The following ADGRG1 variants were observed in gnomAD, a reference collection of about 807,000 sequenced individuals.
ADGRG1 encodes the protein adhesion G protein-coupled receptor G1.
Under a neutral mutation model 73.5 loss-of-function variants are expected in ADGRG1, and 53 were observed. The ratio of observed to expected loss-of-function variants is 0.72; its 90% confidence interval spans 0.58 to 0.91. The LOEUF (loss-of-function observed/expected upper bound fraction) is 0.91. Among genes scored for constraint, ADGRG1 ranks in the 40% least tolerant of loss-of-function variants. The pLI, the probability that ADGRG1 is intolerant of heterozygous loss-of-function variation, is 0.00. For synonymous variants in ADGRG1, 394 were observed against 374.4 expected, an observed-to-expected ratio of 1.05 and a Z score of -0.60; for missense variants, 795 against 871.8, an observed-to-expected ratio of 0.91 and a Z score of 1.11.
intron 1 of ADGRG1, chr16:57,639,364 C>T: frequency 7.1e-6 from 7 of 985,486 alleles, no homozygotes; most frequent in African/African-American, 1.7e-5. Flanking sequence ...GACGTAGTCC[C>T]TGCAGCTGCC....
upstream of ADGRG1, chr16:57,628,490 C>A (rs541630722): frequency 1.0e-6 from 1 of 985,164 alleles, no homozygotes; most frequent in East Asian, 1.1e-4. Flanking sequence ...AGCCCTGCCC[C>A]CTCCTGGTCT....
chr16:57,658,421 G>A (rs1462895654), intron 10 of ADGRG1, among the ~76,000 whole-genome samples: 1 of 152,226 alleles, frequency 6.6e-6, no homozygotes. Context: ...CTTGCCCTCA[G>A]CGCTGAACCC....
upstream of ADGRG1, chr16:57,627,893 C>A (rs1044899715): frequency 1.3e-5 from 13 of 971,340 alleles, no homozygotes; most frequent in South Asian, 9.5e-5. Flanking sequence ...TCTGTCTGAG[C>A]TTTTGGGGCC....
At chr16:57,662,483 A>G (rs528868910) in intron 13 of ADGRG1, among the ~76,000 whole-genome samples, 94 of 152,078 alleles carry the variant, frequency 6.2e-4, no homozygotes, top group Non-Finnish European at 7.2e-4. Context: ...CTTTTTGGAA[A>G]CGCAGCCTCT....
upstream of ADGRG1, chr16:57,622,816 A>G (rs1335715755): frequency 1.0e-6 from 1 of 985,242 alleles, no homozygotes; most frequent in Non-Finnish European, 1.2e-6. Context: ...CGGGGCACCC[A>G]GGCATGCCTT....
At chr16:57,647,297 C>T (rs1203283080) in intron 1 of ADGRG1, 6 of 985,218 alleles carry the variant, frequency 6.1e-6, no homozygotes, top group Non-Finnish European at 6.0e-6. Context: ...GGAAAGGAAG[C>T]TTCATGCTCT....
intron 1 of ADGRG1, chr16:57,632,988 C>A (rs1399245434): frequency 1.0e-5 from 10 of 976,290 alleles, no homozygotes; most frequent in Admixed American, 1.2e-4. Flanking sequence ...GCCTCTGCCA[C>A]CTCCCAGGCC....
At position 57,652,003 on chromosome 16, in the gene ADGRG1, A is replaced by G. The variant is rs2044219697; in HGVS notation, c.487+381A>G. ...AGAGCCCCAGGAAGAATTCTTCCTC[A>G]GCATCAGTGTAGACTGTTTATTTCC... On this transcript the variant is annotated intron_variant, in intron 3 of 13. Coordinates refer to ENST00000562631, the MANE Select transcript of ADGRG1 (RefSeq NM_201525.4). The G allele has an allele frequency of 4.1e-6, 5 of 1,210,148 alleles. No homozygotes were observed. The African/African-American group carries it at 6.2e-5, about 15-fold the overall frequency. 75.0% of individuals were successfully genotyped at this position (1,210,148 alleles called of 1,614,324 possible).
Position 57,656,216 on chromosome 16 carries a change from G to A in ADGRG1, c.1018-10G>A, listed in dbSNP as rs555376912. 5 of 1,613,834 alleles carry A rather than the reference G, an allele frequency of 3.1e-6. No individual in the cohort carries two copies. In the South Asian group the frequency reaches 4.4e-5, roughly 14 times the overall value. ...GTCACAGAAACCACTCTCCTTTCTTGTCCCTACAGAAGAATGTGACTCTGC... is the reference window on the plus strand; with the variant it reads ...GTCACAGAAACCACTCTCCTTTCTTATCCCTACAGAAGAATGTGACTCTGC... On this transcript the variant is annotated splice_polypyrimidine_tract_variant and intron_variant, in intron 7 of 13. Coordinates refer to ENST00000562631, the MANE Select transcript of ADGRG1 (RefSeq NM_201525.4).
upstream of ADGRG1, chr16:57,626,845 G>A (rs2147082006): frequency 1.0e-6 from 1 of 978,176 alleles, no homozygotes; most frequent in Non-Finnish European, 1.2e-6. Flanking sequence ...GGCAGAGGTG[G>A]TGGTATGTCA....
chr16:57,626,930 G>A (rs2035950485), upstream of ADGRG1: 1 of 985,316 alleles, frequency 1.0e-6, no homozygotes, highest in Non-Finnish European at 1.2e-6. Context: ...GCTGGCCTCT[G>A]CTGCTTTGGC....
At chr16:57,629,319 T>A (rs1807020) in intron 1 of ADGRG1, 8,817 of 234,862 alleles carry the variant, frequency 0.038, 794 homozygotes, top group African/African-American at 0.19. Flanking sequence ...GGCATTTTGT[T>A]GCTGGAGAAA....
intron 1 of ADGRG1, chr16:57,644,147 C>G: frequency 1.0e-6 from 1 of 985,280 alleles, no homozygotes; most frequent in Non-Finnish European, 1.2e-6. Flanking sequence ...AAGTCTGTTC[C>G]TCTGAGGAGC....
upstream of ADGRG1, chr16:57,624,804 T>G: frequency 4.7e-6 from 3 of 639,424 alleles, no homozygotes; most frequent in Non-Finnish European, 3.9e-6. Context: ...GCCTCCTCTC[T>G]ACCTCCTTTG....
chr16:57,628,889 TGTGA>T lies in ADGRG1; in HGVS notation c.-36+91_-36+94del, dbSNP rs1378554771. 116 of 778,488 alleles carry T rather than the reference TGTGA, an allele frequency of 1.5e-4. 2 individuals carry two copies. In the African/African-American group the frequency reaches 2.3e-3, roughly 15 times the overall value. 48.2% of individuals were successfully genotyped at this position (778,488 alleles called of 1,614,324 possible). A position where few individuals can be genotyped will look rare whatever the true frequency, so the allele number is the denominator to read the frequency against. On this transcript the variant is annotated intron_variant, in intron 1 of 13. Coordinates refer to ENST00000562631, the MANE Select transcript of ADGRG1 (RefSeq NM_201525.4). Reference sequence around the variant, plus strand: ...GTGTGTGAGCGTGAGTGTGTGAGAGTGTGAGTGTGTGAGTGTGAGTGTGTGAGAG... The same window carrying T: ...GTGTGTGAGCGTGAGTGTGTGAGAGTGTGTGTGAGTGTGAGTGTGTGAGAG...
In ADGRG1 at chr16:57,633,450, A is replaced by G. The variant is rs1452113879; in HGVS notation, c.-36+4648A>G. The G allele has an allele frequency of 7.4e-5, 73 of 985,314 alleles. No homozygotes were observed. In the South Asian group the frequency reaches 9.4e-4, roughly 13 times the overall value. 61.0% of individuals were successfully genotyped at this position (985,314 alleles called of 1,614,324 possible). ...CAGCCACACGTCATAGGGGCTCATG[A>G]GACGCAGACCCTGTCCCCAGCTGTC... On this transcript the variant is annotated intron_variant, in intron 1 of 13. Coordinates refer to ENST00000562631, the MANE Select transcript of ADGRG1 (RefSeq NM_201525.4).
intron 1 of ADGRG1, chr16:57,645,171 GC>G (rs1462283822): frequency 5.1e-6 from 5 of 985,334 alleles, no homozygotes; most frequent in Non-Finnish European, 4.8e-6. Flanking sequence ...TCAGTGTCGT[GC>G]CCCAGCAGCC....
At chr16:57,630,647 T>C (rs2037578859) in intron 1 of ADGRG1, 3 of 444,334 alleles carry the variant, frequency 6.8e-6, no homozygotes, top group Non-Finnish European at 8.9e-6. Context: ...CTTCCTTTTG[T>C]CAGGGATACA....
chr16:57,644,189 C>G (rs1406455032), intron 1 of ADGRG1: 1 of 985,172 alleles, frequency 1.0e-6, no homozygotes, highest in Non-Finnish European at 1.2e-6. Flanking sequence ...TCCTCCTGGC[C>G]CCATGCATCC....
Sources: allele counts gnomAD v4.1 joint callset (sites outside exome capture counted in the v4.1 genomes callset), GRCh38; gene constraint gnomAD v4.1.1; transcripts MANE v1.5; gene names NCBI Gene and HGNC (gene_info 2026-07-23, HGNC 2026-07-21).